Variants in CCSER1 observed in about 807,000 individuals in gnomAD.
CCSER1 encodes coiled-coil serine rich protein 1.
In CCSER1, 41 loss-of-function variants were observed where a neutral mutation model predicts 82.0. That is an observed-to-expected ratio of 0.50 (90% CI 0.39 to 0.65). CCSER1 has a LOEUF of 0.65. Ranked by LOEUF, CCSER1 falls within the 30% of genes least tolerant of loss-of-function variation. The probability of loss-of-function intolerance (pLI) is 0.00; values close to 1 mark genes in which losing one functional copy is unlikely to be tolerated. For synonymous variants in CCSER1, 414 were observed against 383.9 expected, an observed-to-expected ratio of 1.08 and a Z score of -0.92; for missense variants, 1,119 against 1,064.2, an observed-to-expected ratio of 1.05 and a Z score of -0.72.
chr4:91,535,103 G>T (rs1761232135), intron 10 of CCSER1, among the ~76,000 whole-genome samples: 1 of 151,780 alleles, frequency 6.6e-6, no homozygotes, highest in South Asian at 2.1e-4. Context: ...ATATAAACTA[G>T]AGGATTTTAG....
At position 91,205,313 on chromosome 4, in the gene CCSER1, C is replaced by T. The variant is rs534471728; in HGVS notation, c.2217+119319C>T. On this transcript the variant is annotated intron_variant, in intron 10 of 10. Transcript: ENST00000509176. ...AATGAACACACACATTGTTTCAGGACGAAATACGTGACCTCAATTATTGTT... is the reference window on the plus strand; with the variant it reads ...AATGAACACACACATTGTTTCAGGATGAAATACGTGACCTCAATTATTGTT... Among the ~76,000 whole-genome samples the T allele has an allele frequency of 7.9e-5, 12 of 151,750 alleles. No individual in the cohort carries two copies. In the East Asian group the frequency reaches 1.4e-3, roughly 17 times the overall value.
chr4:90,772,781 A>T (rs1313437379), intron 7 of CCSER1, among the ~76,000 whole-genome samples: 1 of 152,212 alleles, frequency 6.6e-6, no homozygotes, highest in Non-Finnish European at 1.5e-5. Context: ...AAATGATATT[A>T]TCTATTATGT....
Position 90,308,399 on chromosome 4 carries a change from G to T in CCSER1, c.115G>T (p.Val39Phe), listed in dbSNP as rs1366957887. 6.2e-7 allele frequency: 1 copy of T among 1,613,746 alleles called. No homozygotes were observed. ...TTCTTCACCTTCTTCCAGTAATACA[G>T]TTGGTGTCCACAGTTCCTCTCCTTC... ...LPSSPSSSNTVGVHSSSPSST... is the reference protein window; with the variant it reads ...LPSSPSSSNTFGVHSSSPSST... The change falls in exon 2 of 11, where the codon GTT (valine) becomes TTT (phenylalanine). Residue 39 changes from valine (V) to phenylalanine (F), a missense_variant. By Grantham distance (50) the Val-to-Phe change is conservative (BLOSUM62 -1). Transcript: ENST00000509176.
chr4:90,355,887 A>G (rs900190469), intron 3 of CCSER1, among the ~76,000 whole-genome samples: 2 of 151,974 alleles, frequency 1.3e-5, no homozygotes, highest in East Asian at 3.8e-4. Flanking sequence ...TATTGTAAAT[A>G]TAAATTATCC....
chr4:90,311,603 T>A, intron 2 of CCSER1, among the ~76,000 whole-genome samples: 1 of 152,340 alleles, frequency 6.6e-6, no homozygotes, highest in Non-Finnish European at 1.5e-5. Context: ...AGACACTAAC[T>A]TTCATAATGC....
intron 9 of CCSER1, among the ~76,000 whole-genome samples, chr4:91,051,669 A>G (rs975847785): frequency 6.6e-6 from 1 of 152,156 alleles, no homozygotes; most frequent in Non-Finnish European, 1.5e-5. Context: ...GCACCCTAGA[A>G]AGGAAGGAAG....
intron 3 of CCSER1, among the ~76,000 whole-genome samples, chr4:90,348,321 C>A (rs1434079985): frequency 4.6e-5 from 7 of 152,146 alleles, no homozygotes; most frequent in African/African-American, 1.7e-4. Flanking sequence ...TTTTTCTACT[C>A]TCATAAAATA....
chr4:91,366,088 G>T (rs1369022953), intron 10 of CCSER1, among the ~76,000 whole-genome samples: 1 of 152,094 alleles, frequency 6.6e-6, no homozygotes, highest in Non-Finnish European at 1.5e-5. Flanking sequence ...GCACGATCTT[G>T]GCTCACTGCA....
At chr4:91,204,667 C>T (rs2149073807) in intron 10 of CCSER1, among the ~76,000 whole-genome samples, 1 of 151,872 alleles carries the variant, frequency 6.6e-6, no homozygotes, top group African/African-American at 2.4e-5. Flanking sequence ...TAATCATTAA[C>T]ATGTTCCCTT....
intron 6 of CCSER1, among the ~76,000 whole-genome samples, chr4:90,714,258 CT>C (rs1741218267): frequency 1.3e-5 from 2 of 151,564 alleles, no homozygotes; most frequent in East Asian, 1.9e-4. Flanking sequence ...TCGTTTATTC[CT>C]TTTTCTAGTT....
intron 7 of CCSER1, among the ~76,000 whole-genome samples, chr4:90,725,758 C>G (rs901657791): frequency 2.0e-5 from 3 of 151,446 alleles, no homozygotes; most frequent in Non-Finnish European, 4.4e-5. Flanking sequence ...CATTGTAATT[C>G]CAAGGATATG....
At chr4:90,198,744 C>T (rs1036221561) in intron 1 of CCSER1, among the ~76,000 whole-genome samples, 1 of 151,976 alleles carries the variant, frequency 6.6e-6, no homozygotes, top group African/African-American at 2.4e-5. Context: ...AATGTGCAAA[C>T]CCATCCGTCC....
chr4:90,900,598 T>C (rs1056241804), intron 8 of CCSER1, among the ~76,000 whole-genome samples: 1 of 151,958 alleles, frequency 6.6e-6, no homozygotes, highest in African/African-American at 2.4e-5. Flanking sequence ...GTTGTTTTTT[T>C]CATTTTCTTG....
intron 10 of CCSER1, among the ~76,000 whole-genome samples, chr4:91,495,488 G>T (rs1399103278): frequency 6.6e-6 from 1 of 150,678 alleles, no homozygotes; most frequent in African/African-American, 2.4e-5. Context: ...TACCAGTGAA[G>T]AATTATTTTT....
intron 5 of CCSER1, among the ~76,000 whole-genome samples, chr4:90,580,488 T>C (rs768516576): frequency 7.2e-5 from 11 of 152,122 alleles, no homozygotes; most frequent in Non-Finnish European, 1.3e-4. Context: ...AGAGCAAAAA[T>C]AAGCATTCAC....
chr4:90,880,230 T>C (rs1036322399), intron 8 of CCSER1, among the ~76,000 whole-genome samples: 1 of 152,302 alleles, frequency 6.6e-6, no homozygotes, highest in Middle Eastern at 3.4e-3. Context: ...ATCTCAGTCC[T>C]TATGTTTCTT....
chr4:91,493,993 C>T (rs1196347135), intron 10 of CCSER1, among the ~76,000 whole-genome samples: 1 of 151,688 alleles, frequency 6.6e-6, no homozygotes, highest in Non-Finnish European at 1.5e-5. Context: ...ATTCATATGT[C>T]AAAACTTAAT....
rs144924371 is a variant in CCSER1 at position 90,422,373 on chromosome 4, G to A, written c.1603+22244G>A. 3.6e-3 allele frequency among the ~76,000 whole-genome samples: 545 copies of A among 152,252 alleles called. 3 individuals carry two copies. The highest frequency in any genetic ancestry group is 0.012 in the African/African-American group (518 of 41,556). ...CTTTGGGAGGCTAGGCTGGAAAATT[G>A]CTTGAGCCTAGGAGTTCAAGACTAG... On this transcript the variant is annotated intron_variant, in intron 4 of 10. Transcript: ENST00000509176.
Position 90,769,436 on chromosome 4 carries a change from A to G in CCSER1, c.2010+45445A>G, listed in dbSNP as rs558669357. On this transcript the variant is annotated intron_variant, in intron 7 of 10. Transcript: ENST00000509176. ...GAATGATGACTCAGAGGGCAGAACC[A>G]GACCCCAGCAGTTAAAGCCAAGAGC... Among the ~76,000 whole-genome samples, 74 of 152,336 alleles carry G rather than the reference A, an allele frequency of 4.9e-4. 1 individual carries two copies. The South Asian group carries it at 0.014, about 29-fold the overall frequency.
Sources: gnomAD v4.1 joint callset for allele counts (sites outside exome capture counted in the v4.1 genomes callset) on GRCh38, gnomAD v4.1.1 for gene constraint, MANE v1.5 for transcripts, NCBI Gene and HGNC (gene_info 2026-07-23, HGNC 2026-07-21) for gene names.